The following PTPN11 variants were observed in gnomAD, a reference collection of about 807,000 sequenced individuals.
The protein encoded by PTPN11 is protein tyrosine phosphatase non-receptor type 11, also known as tyrosine-protein phosphatase non-receptor type 11.
A neutral mutation model predicts 78.8 loss-of-function variants in PTPN11; 6 were observed. That is an observed-to-expected ratio of 0.08 (90% CI 0.04 to 0.15). PTPN11 has a LOEUF of 0.15. Among genes scored for constraint, PTPN11 ranks in the 10% least tolerant of loss-of-function variants. The probability of loss-of-function intolerance (pLI) is 1.00; values close to 1 mark genes in which losing one functional copy is unlikely to be tolerated. For synonymous variants in PTPN11, 221 were observed against 263.5 expected, an observed-to-expected ratio of 0.84 and a Z score of 1.56; for missense variants, 386 against 744.8, an observed-to-expected ratio of 0.52 and a Z score of 5.61.
rs998134613 is a variant in PTPN11 at position 112,507,614 on chromosome 12, A to G, written c.*1822A>G. 3 of 152,764 alleles carry G rather than the reference A, an allele frequency of 2.0e-5. No homozygotes were observed. Among genetic ancestry groups the G allele is most frequent in the African/African-American group, 7.2e-5 (3 of 41,456 alleles). The allele number at this position is 152,764 out of a possible 1,614,324, so 9.5% of individuals were successfully genotyped here. A position where few individuals can be genotyped will look rare whatever the true frequency, so the allele number is the denominator to read the frequency against. On this transcript the variant is annotated 3_prime_UTR_variant, in exon 16 of 16. Coordinates refer to ENST00000351677, the MANE Select transcript of PTPN11 (RefSeq NM_002834.5). ...ATCCAGTGCGGATATTTCAATGAAA[A>G]TATCATTGGTTGACTTTTGTGATGG...
At chr12:112,495,290 G>C (rs2135923148) in intron 13 of PTPN11, among the ~76,000 whole-genome samples, 1 of 152,292 alleles carries the variant, frequency 6.6e-6, no homozygotes, top group South Asian at 2.1e-4. Flanking sequence ...GTCACACACT[G>C]AGTTTGGTCA....
intron 4 of PTPN11, among the ~76,000 whole-genome samples, chr12:112,454,358 G>C (rs1222374795): frequency 1.3e-5 from 2 of 152,134 alleles, no homozygotes; most frequent in African/African-American, 4.8e-5. Flanking sequence ...GACCTCAAAT[G>C]ATCTGCCCGC....
chr12:112,454,808 A>T, intron 5 of PTPN11, 128 bp downstream of exon 5: 1 of 710,148 alleles, frequency 1.4e-6, no homozygotes, highest in South Asian at 1.5e-5. Flanking sequence ...TGCAGCTTCA[A>T]CTATCAAATC....
chr12:112,464,570 G>A (rs1413290293), intron 6 of PTPN11, among the ~76,000 whole-genome samples: 2 of 151,964 alleles, frequency 1.3e-5, no homozygotes, highest in South Asian at 4.2e-4. Context: ...TTACAGGCAC[G>A]TACCACCACT....
intron 1 of PTPN11, among the ~76,000 whole-genome samples, chr12:112,434,178 G>T (rs1368069432): frequency 6.6e-6 from 1 of 152,086 alleles, no homozygotes; most frequent in Non-Finnish European, 1.5e-5. Context: ...TACTCAGGAG[G>T]CTGAGGTGGG....
intron 1 of PTPN11, among the ~76,000 whole-genome samples, chr12:112,439,414 C>T (rs773330748): frequency 1.0e-3 from 155 of 152,244 alleles, no homozygotes; most frequent in Non-Finnish European, 2.0e-3. Context: ...ATGCCTCAGC[C>T]TCCCAAGTAG....
intron 6 of PTPN11, among the ~76,000 whole-genome samples, chr12:112,458,395 A>C (rs958002249): frequency 6.6e-6 from 1 of 152,018 alleles, no homozygotes; most frequent in African/African-American, 2.4e-5. Flanking sequence ...TTTTTTGTAG[A>C]TATGGGGTCT....
chr12:112,435,671 A>G (rs2037777949), intron 1 of PTPN11, among the ~76,000 whole-genome samples: 1 of 145,266 alleles, frequency 6.9e-6, no homozygotes, highest in Non-Finnish European at 1.5e-5. Context: ...TTTTTTAAAT[A>G]CTACAATATG....
chr12:112,476,527 G>C (rs10850038), intron 7 of PTPN11, among the ~76,000 whole-genome samples: 1 of 152,236 alleles, frequency 6.6e-6, no homozygotes, highest in African/African-American at 2.4e-5. Flanking sequence ...CCAGCACTTT[G>C]GGAGGCTGAG....
chr12:112,471,454 AAGAGAGAGAGAGAG>A (rs56070053), intron 6 of PTPN11, among the ~76,000 whole-genome samples: 1 of 126,354 alleles, frequency 7.9e-6, no homozygotes, highest in Non-Finnish European at 1.7e-5. Flanking sequence ...GATAAACAGA[AAGAGAGAGAGAGAG>A]AGAGAGAGAG....
At position 112,418,968 on chromosome 12, in the gene PTPN11, T is replaced by G; in HGVS notation, c.-144T>G. 3.0e-6 allele frequency: 3 copies of G among 990,840 alleles called. No homozygotes were observed. Among genetic ancestry groups the G allele is most frequent in the Non-Finnish European group, 4.5e-6 (3 of 663,604 alleles). 61.4% of individuals were successfully genotyped at this position (990,840 alleles called of 1,614,324 possible). A position where few individuals can be genotyped will look rare whatever the true frequency, so the allele number is the denominator to read the frequency against. ...GCACAGTCTCCGGGATCCCCAGGCCTGGAGGGGGGTCTGTGCGCGGCCGGC... is the reference window on the plus strand; with the variant it reads ...GCACAGTCTCCGGGATCCCCAGGCCGGGAGGGGGGTCTGTGCGCGGCCGGC... On this transcript the variant is annotated 5_prime_UTR_variant, in exon 1 of 16. Transcript: ENST00000351677.
chr12:112,440,968 T>C (rs548669623), intron 1 of PTPN11, among the ~76,000 whole-genome samples: 1 of 149,450 alleles, frequency 6.7e-6, no homozygotes, highest in South Asian at 2.1e-4. Flanking sequence ...TTCTTTTCTT[T>C]TTTTTTTTTT....
At chr12:112,466,151 C>G (rs1732162737) in intron 6 of PTPN11, among the ~76,000 whole-genome samples, 1 of 152,190 alleles carries the variant, frequency 6.6e-6, no homozygotes, top group Non-Finnish European at 1.5e-5. Flanking sequence ...ATAAGTGCTA[C>G]AGAGAAAACA....
chr12:112,459,344 C>G (rs2038212052), intron 6 of PTPN11, among the ~76,000 whole-genome samples: 1 of 151,876 alleles, frequency 6.6e-6, no homozygotes, highest in Admixed American at 6.6e-5. Context: ...TACCTGACAC[C>G]CAGCATTAAC....
intron 13 of PTPN11, among the ~76,000 whole-genome samples, chr12:112,493,542 C>T (rs2038779792): frequency 6.6e-6 from 1 of 151,602 alleles, no homozygotes; most frequent in Non-Finnish European, 1.5e-5. Flanking sequence ...GTACCCGCCA[C>T]CATGCCTGGC....
chr12:112,420,272 T>C (rs2037501571), intron 1 of PTPN11, among the ~76,000 whole-genome samples: 2 of 152,200 alleles, frequency 1.3e-5, no homozygotes, highest in African/African-American at 2.4e-5. Context: ...GATTGTTCAA[T>C]TATGGTCACT....
At chr12:112,478,968 A>C (rs2038554003) in intron 9 of PTPN11, among the ~76,000 whole-genome samples, 1 of 152,154 alleles carries the variant, frequency 6.6e-6, no homozygotes, top group Non-Finnish European at 1.5e-5. Flanking sequence ...CCCTGAGCTT[A>C]GGTGATCCAC....
At chr12:112,492,743 T>C (rs1477501101) in intron 13 of PTPN11, among the ~76,000 whole-genome samples, 1 of 152,044 alleles carries the variant, frequency 6.6e-6, no homozygotes, top group East Asian at 1.9e-4. Flanking sequence ...GGTCTTGATC[T>C]CCTGACCTTG....
At chr12:112,466,622 G>C (rs2038328953) in intron 6 of PTPN11, among the ~76,000 whole-genome samples, 1 of 152,106 alleles carries the variant, frequency 6.6e-6, no homozygotes, top group Non-Finnish European at 1.5e-5. Context: ...AAAGTGCTAG[G>C]ATTACAGGTG....
Sources: allele counts gnomAD v4.1 joint callset (sites outside exome capture counted in the v4.1 genomes callset), GRCh38; gene constraint gnomAD v4.1.1; transcripts MANE v1.5; gene names NCBI Gene and HGNC (gene_info 2026-07-23, HGNC 2026-07-21).